AK9: variants seen among roughly 807,000 people sequenced by gnomAD.
The protein encoded by AK9 is adenylate kinase domain containing 1.
AK9 carries 191 observed loss-of-function variants against 239.6 expected under a neutral mutation model. That is an observed-to-expected ratio of 0.80 (90% confidence interval 0.71 to 0.90). The LOEUF (loss-of-function observed/expected upper bound fraction) is 0.90. AK9 is among the 40% of genes least tolerant of loss of function. AK9 has a pLI of 0.00. For synonymous variants in AK9, 689 were observed against 721.0 expected (o/e 0.96, Z 0.71); for missense variants, 1,995 against 2,214.7 (o/e 0.90, Z 1.99).
At chr6:109,510,327 C>T (rs1040742605) in intron 32 of AK9, among the ~76,000 whole-genome samples, 1 of 152,114 alleles carries the variant, frequency 6.6e-6, no homozygotes, top group Non-Finnish European at 1.5e-5. Flanking sequence ...AAGGAGTACC[C>T]TCTCTGTTGA....
intron 6 of AK9, among the ~76,000 whole-genome samples, chr6:109,661,281 C>T (rs731879): frequency 0.58 from 88,609 of 152,026 alleles, 27,506 homozygotes; most frequent in East Asian, 0.84. Flanking sequence ...TATATTAAGA[C>T]CCATCTAAGG....
At chr6:109,659,049 G>T (rs1342043397) in intron 7 of AK9, among the ~76,000 whole-genome samples, 179 bp downstream of exon 7, 2 of 152,030 alleles carry the variant, frequency 1.3e-5, no homozygotes, top group Non-Finnish European at 2.9e-5. Flanking sequence ...TTGACCTCAA[G>T]ATTATGATCT....
chr6:109,601,737 G>T (rs1345075931), intron 17 of AK9, among the ~76,000 whole-genome samples: 4 of 152,126 alleles, frequency 2.6e-5, no homozygotes, highest in Admixed American at 6.5e-5. Context: ...GGTCTCTAAG[G>T]ACTTGCTTTA....
At chr6:109,580,958 C>T (rs141932933) in intron 19 of AK9, among the ~76,000 whole-genome samples, 1 of 152,102 alleles carries the variant, frequency 6.6e-6, no homozygotes, top group Non-Finnish European at 1.5e-5. Flanking sequence ...TGTGGCAACC[C>T]TGCAATAAGC....
In AK9 at chr6:109,612,098, G is replaced by T; in HGVS notation, c.1610-5C>A. The T allele has an allele frequency of 1.3e-6, 2 of 1,514,812 alleles. No homozygotes were observed. Among genetic ancestry groups the T allele is most frequent in the Non-Finnish European group, 8.9e-7 (1 of 1,125,472 alleles). 93.8% of individuals were successfully genotyped at this position (1,514,812 alleles called of 1,614,324 possible). A position where few individuals can be genotyped will look rare whatever the true frequency, so the allele number is the denominator to read the frequency against. ...TTTCACCAGTTTCTTTTCCATCTGT[G>T]AATAAAACATTGTGAATGCCTAAAG... On this transcript the variant is annotated splice_polypyrimidine_tract_variant and splice_region_variant and intron_variant, in intron 15 of 40. Transcript: ENST00000424296.
intron 8 of AK9, among the ~76,000 whole-genome samples, chr6:109,649,908 C>T (rs9480988): frequency 0.21 from 31,538 of 151,846 alleles, 3,458 homozygotes; most frequent in South Asian, 0.34. Context: ...TGGAACAGAA[C>T]AGAGGCCTCA....
At chr6:109,605,427 T>A (rs1278227792) in intron 17 of AK9, among the ~76,000 whole-genome samples, 2 of 152,064 alleles carry the variant, frequency 1.3e-5, no homozygotes, top group African/African-American at 2.4e-5. Flanking sequence ...TTCATTTGAG[T>A]TTTTTCTTGC....
chr6:109,675,499 C>A, intron 2 of AK9, 130 bp downstream of exon 2: 1 of 567,786 alleles, frequency 1.8e-6, no homozygotes, highest in South Asian at 3.1e-5. Context: ...GATTTTAAGT[C>A]ATATAATAAA....
chr6:109,537,111 G>C (rs1317210180), intron 27 of AK9, among the ~76,000 whole-genome samples: 1 of 152,052 alleles, frequency 6.6e-6, no homozygotes, highest in African/African-American at 2.4e-5. Flanking sequence ...GGATGATGTT[G>C]GCCTCATAAA....
At chr6:109,690,025 T>C (rs1220638062) in intron 1 of AK9, among the ~76,000 whole-genome samples, 1 of 152,238 alleles carries the variant, frequency 6.6e-6, no homozygotes, top group Non-Finnish European at 1.5e-5. Context: ...TAACATAGAC[T>C]TAAGTATTTC....
In AK9 at chr6:109,648,263, G is replaced by GAC. The variant is rs1333737287; in HGVS notation, c.760-3577_760-3576dup. ...TCAGAGCAGAACTGAAGGAAATAGA[G>GAC]ACACAAAAAAATCCTTCAAAAAATC... On this transcript the variant is annotated intron_variant, in intron 8 of 40. Coordinates refer to ENST00000424296, the MANE Select transcript of AK9 (RefSeq NM_001145128.3). Among the ~76,000 whole-genome samples the GAC allele has an allele frequency of 2.0e-5, 3 of 152,152 alleles. No homozygotes were observed. In the East Asian group the frequency reaches 5.8e-4, roughly 29 times the overall value.
chr6:109,613,488 T>C (rs577363554), intron 15 of AK9, among the ~76,000 whole-genome samples: 2 of 152,068 alleles, frequency 1.3e-5, no homozygotes, highest in African/African-American at 2.4e-5. Context: ...TGGGGAAACA[T>C]AATTTGGAAC....
At chr6:109,519,441 A>G (rs568266782) in intron 29 of AK9, among the ~76,000 whole-genome samples, 56 of 152,162 alleles carry the variant, frequency 3.7e-4, no homozygotes, top group Non-Finnish European at 4.9e-4. Flanking sequence ...TCAAGAGTGT[A>G]TAAGTATTCC....
chr6:109,596,742 T>C (rs1022692188), intron 17 of AK9, among the ~76,000 whole-genome samples: 1 of 152,192 alleles, frequency 6.6e-6, no homozygotes, highest in Non-Finnish European at 1.5e-5. Context: ...TATCCAGTCC[T>C]CCATGGATGG....
chr6:109,553,580 A>G (rs577346067), intron 24 of AK9, among the ~76,000 whole-genome samples: 1 of 152,320 alleles, frequency 6.6e-6, no homozygotes, highest in South Asian at 2.1e-4. Flanking sequence ...GAAGTTGCTT[A>G]TCAGTTCAAG....
chr6:109,610,667 G>A (rs1793469529), intron 16 of AK9, among the ~76,000 whole-genome samples, 154 bp from the exon 17 acceptor site: 1 of 152,142 alleles, frequency 6.6e-6, no homozygotes, highest in Admixed American at 6.6e-5. Flanking sequence ...TAAGACTCTG[G>A]AGAGGAAATG....
chr6:109,611,917 A>G, intron 16 of AK9, 93 bp downstream of exon 16: 1 of 874,644 alleles, frequency 1.1e-6, no homozygotes, highest in Non-Finnish European at 1.7e-6. Context: ...TTTTTGAAAA[A>G]TCACACATTT....
At chr6:109,534,254 A>T (rs539553506) in intron 27 of AK9, among the ~76,000 whole-genome samples, 3 of 150,554 alleles carry the variant, frequency 2.0e-5, no homozygotes, top group South Asian at 4.1e-4. Context: ...AATCAGGATA[A>T]TAACTGGAAT....
chr6:109,501,955 A>T (rs968933284), intron 35 of AK9, among the ~76,000 whole-genome samples: 3 of 152,210 alleles, frequency 2.0e-5, no homozygotes, highest in Non-Finnish European at 4.4e-5. Context: ...TTACCACATA[A>T]AATTATTGTC....
Sources: gnomAD v4.1 joint callset for allele counts (sites outside exome capture counted in the v4.1 genomes callset) on GRCh38, gnomAD v4.1.1 for gene constraint, MANE v1.5 for transcripts, NCBI Gene and HGNC (gene_info 2026-07-23, HGNC 2026-07-21) for gene names.